Variants in GALNT10 observed in about 807,000 individuals in gnomAD.
GALNT10 encodes the protein polypeptide N-acetylgalactosaminyltransferase 10, also known as GalNAc transferase 10.
Under a neutral mutation model 75.0 loss-of-function variants are expected in GALNT10, and 41 were observed. That is an observed-to-expected ratio of 0.55 (90% CI 0.43 to 0.71). The LOEUF (loss-of-function observed/expected upper bound fraction) is 0.71. Ranked by LOEUF, GALNT10 falls within the 30% of genes least tolerant of loss-of-function variation. The pLI is 0.00. For synonymous variants in GALNT10, 302 were observed against 313.0 expected, an observed-to-expected ratio of 0.96 and a Z score of 0.37; for missense variants, 727 against 818.5, an observed-to-expected ratio of 0.89 and a Z score of 1.36.
intron 1 of GALNT10, among the ~76,000 whole-genome samples, chr5:154,199,922 T>A (rs1213129647): frequency 6.6e-6 from 1 of 152,126 alleles, no homozygotes; most frequent in Non-Finnish European, 1.5e-5. Context: ...TGGTGATGAT[T>A]AGATGAAATT....
At chr5:154,264,614 T>A (rs1485640444) in intron 1 of GALNT10, among the ~76,000 whole-genome samples, 1 of 152,166 alleles carries the variant, frequency 6.6e-6, no homozygotes, top group African/African-American at 2.4e-5. Flanking sequence ...TTACTCTTTT[T>A]AAAACTTTTC....
At chr5:154,196,062 T>G (rs1244483866) in intron 1 of GALNT10, among the ~76,000 whole-genome samples, 1 of 152,120 alleles carries the variant, frequency 6.6e-6, no homozygotes, top group Non-Finnish European at 1.5e-5. Flanking sequence ...TAGCTGGGAT[T>G]ATAGGCATGC....
At chr5:154,260,114 T>A (rs1210719851) in intron 1 of GALNT10, among the ~76,000 whole-genome samples, 1 of 152,186 alleles carries the variant, frequency 6.6e-6, no homozygotes, top group Non-Finnish European at 1.5e-5. Flanking sequence ...CAGGGGCCAC[T>A]TTGGCCTAAA....
chr5:154,316,161 G>GC (rs1233470777), intron 3 of GALNT10, among the ~76,000 whole-genome samples: 1 of 152,178 alleles, frequency 6.6e-6, no homozygotes, highest in African/African-American at 2.4e-5. Context: ...TGTGTGGTCA[G>GC]CCCCCCATGG....
chr5:154,217,817 T>C (rs968043568), intron 1 of GALNT10, among the ~76,000 whole-genome samples: 2 of 152,208 alleles, frequency 1.3e-5, no homozygotes, highest in Non-Finnish European at 1.5e-5. Context: ...TAAAAATTAA[T>C]TGGGAGACTG....
chr5:154,367,215 G>A (rs1755489430), intron 4 of GALNT10, among the ~76,000 whole-genome samples: 1 of 152,152 alleles, frequency 6.6e-6, no homozygotes, highest in Non-Finnish European at 1.5e-5. Context: ...TTCTTTCTAT[G>A]AGTCACAGTC....
chr5:154,405,460 G>A (rs553699644), intron 8 of GALNT10, among the ~76,000 whole-genome samples: 2 of 152,088 alleles, frequency 1.3e-5, no homozygotes, highest in South Asian at 4.1e-4. Context: ...ACGGGCGGGG[G>A]GTAGGTTCTA....
At chr5:154,233,006 A>G (rs1753172916) in intron 1 of GALNT10, among the ~76,000 whole-genome samples, 1 of 152,200 alleles carries the variant, frequency 6.6e-6, no homozygotes, top group Non-Finnish European at 1.5e-5. Flanking sequence ...TGCCACTTAC[A>G]AGGTCGCTGA....
intron 4 of GALNT10, among the ~76,000 whole-genome samples, chr5:154,331,975 C>T (rs536400739): frequency 4.6e-5 from 7 of 152,130 alleles, no homozygotes; most frequent in African/African-American, 1.4e-4. Context: ...CTAAGTAATT[C>T]GCCCAGAATC....
chr5:154,201,077 C>T (rs1775020688), intron 1 of GALNT10, among the ~76,000 whole-genome samples: 1 of 152,058 alleles, frequency 6.6e-6, no homozygotes, highest in African/African-American at 2.4e-5. Context: ...ACAGCTGTCT[C>T]CTCTAGACAG....
chr5:154,394,273 T>C lies in GALNT10; in HGVS notation c.1056+7843T>C, dbSNP rs114104720. 4.3e-3 allele frequency among the ~76,000 whole-genome samples: 635 copies of C among 147,018 alleles called. 1 individual carries two copies. The highest frequency in any genetic ancestry group is 7.4e-3 in the Non-Finnish European group (497 of 67,486). On this transcript the variant is annotated intron_variant, in intron 7 of 11. Coordinates refer to ENST00000297107, the MANE Select transcript of GALNT10 (RefSeq NM_198321.4). ...GGGTTCGCTTTGTGTGATACTGATA[T>C]GGTTACTGAAAGGCTAGCCCAGTCC...
At chr5:154,356,173 C>T (rs1581989872) in intron 4 of GALNT10, 1 of 456,302 alleles carries the variant, frequency 2.2e-6, no homozygotes, top group South Asian at 1.5e-5. Context: ...TGCATCAACT[C>T]CCTCTCCCTT....
chr5:154,256,639 A>C (rs1210160277), intron 1 of GALNT10, among the ~76,000 whole-genome samples: 1 of 152,118 alleles, frequency 6.6e-6, no homozygotes, highest in Non-Finnish European at 1.5e-5. Flanking sequence ...TAAAAGAGAG[A>C]GGGCTTGTGA....
rs138636976 is a variant in GALNT10 at position 154,249,625 on chromosome 5, A to G, written c.160-45191A>G. On this transcript the variant is annotated intron_variant, in intron 1 of 11. Transcript: ENST00000297107. ...ATAGATGGGTCCATGGAGGAGTCCT[A>G]TATACCAACTGTGGTCAGGGCCAAG... Among the ~76,000 whole-genome samples the G allele has an allele frequency of 3.4e-3, 523 of 152,238 alleles. 1 individual carries two copies. Among genetic ancestry groups the G allele is most frequent in the Middle Eastern group, 0.024 (7 of 294 alleles).
intron 3 of GALNT10, among the ~76,000 whole-genome samples, chr5:154,319,680 A>G (rs1036258831): frequency 6.6e-5 from 10 of 152,226 alleles, no homozygotes; most frequent in Non-Finnish European, 1.5e-5. Flanking sequence ...CCTCTTTGCA[A>G]TGGGAGCAGT....
At chr5:154,398,645 A>G (rs917999731) in intron 7 of GALNT10, among the ~76,000 whole-genome samples, 1 of 152,202 alleles carries the variant, frequency 6.6e-6, no homozygotes, top group Non-Finnish European at 1.5e-5. Flanking sequence ...CAAGACATGA[A>G]GCCCAATCCC....
At chr5:154,225,823 C>G (rs562488042) in intron 1 of GALNT10, among the ~76,000 whole-genome samples, 13 of 151,936 alleles carry the variant, frequency 8.6e-5, no homozygotes, top group African/African-American at 3.1e-4. Flanking sequence ...TCTCATTTTA[C>G]TTTTTCCCTC....
intron 1 of GALNT10, among the ~76,000 whole-genome samples, chr5:154,218,466 A>G (rs532722312): frequency 6.6e-6 from 1 of 152,196 alleles, no homozygotes; most frequent in Non-Finnish European, 1.5e-5. Flanking sequence ...CCTCTTCTCT[A>G]GAATGGGAAT....
chr5:154,385,059 A>G (rs1198934318), intron 6 of GALNT10, among the ~76,000 whole-genome samples: 1 of 152,192 alleles, frequency 6.6e-6, no homozygotes. Flanking sequence ...CTGCTTGGGC[A>G]GCTTTTGGGT....
Sources: allele counts gnomAD v4.1 joint callset (sites outside exome capture counted in the v4.1 genomes callset), GRCh38; gene constraint gnomAD v4.1.1; transcripts MANE v1.5; gene names NCBI Gene and HGNC (gene_info 2026-07-23, HGNC 2026-07-21).